Variants in CECR2 observed in about 807,000 individuals in gnomAD.
CECR2 encodes the protein chromatin remodeling regulator CECR2.
In CECR2, 30 loss-of-function variants were observed where a neutral mutation model predicts 154.5. The observed-to-expected ratio is 0.19, with a 90% CI of 0.15 to 0.26. The LOEUF (loss-of-function observed/expected upper bound fraction) is 0.26. Among genes scored for constraint, CECR2 ranks in the 10% least tolerant of loss-of-function variants. The pLI is 1.00. For missense variants in CECR2, 1,743 were observed against 1,829.3 expected (o/e 0.95, Z 0.86); for synonymous variants, 725 against 683.7 (o/e 1.06, Z -0.94).
rs578057191 is a variant in CECR2 at position 17,511,705 on chromosome 22, T to C, written c.871-108T>C. The C allele has an allele frequency of 9.7e-5, 80 of 824,906 alleles. 1 individual carries two copies. The South Asian group carries it at 1.2e-3, about 13-fold the overall frequency. 51.1% of individuals were successfully genotyped at this position (824,906 alleles called of 1,614,324 possible). On this transcript the variant is annotated intron_variant, in intron 7 of 18. Coordinates refer to ENST00000262608, the MANE Select transcript of CECR2 (RefSeq NM_001290047.2). Reference sequence around the variant, plus strand: ...TAAGGAAGCCTTTGGCCCTAACCTGTGTGCCTCATTGGCCACTTTTTTACT... The same window carrying C: ...TAAGGAAGCCTTTGGCCCTAACCTGCGTGCCTCATTGGCCACTTTTTTACT...
intron 8 of CECR2, among the ~76,000 whole-genome samples, chr22:17,523,755 C>CAAAAAAAAAAAAAAAAAAAAA (rs66963477): frequency 9.9e-6 from 1 of 101,164 alleles, no homozygotes; most frequent in Non-Finnish European, 2.0e-5. Flanking sequence ...GACTCTATCT[C>CAAAAAAAAAAAAAAAAAAAAA]AAAAAAAAAA....
At chr22:17,383,399 C>T (rs2063222427) in intron 1 of CECR2, among the ~76,000 whole-genome samples, 1 of 152,146 alleles carries the variant, frequency 6.6e-6, no homozygotes, top group Admixed American at 6.5e-5. Flanking sequence ...GAAGTTGGTC[C>T]TCTCAAACCC....
At chr22:17,519,671 C>A (rs1298460420) in intron 8 of CECR2, among the ~76,000 whole-genome samples, 2 of 152,084 alleles carry the variant, frequency 1.3e-5, no homozygotes, top group Non-Finnish European at 2.9e-5. Flanking sequence ...AAGTCATACT[C>A]ATTACAGAAA....
chr22:17,537,457 T>G (rs2056454895), intron 10 of CECR2, among the ~76,000 whole-genome samples: 1 of 152,244 alleles, frequency 6.6e-6, no homozygotes, highest in South Asian at 2.1e-4. Flanking sequence ...TCTTCTTTCT[T>G]CATCCCCTCA....
chr22:17,500,208 C>CTCAAAAA (rs2055710682), intron 4 of CECR2, among the ~76,000 whole-genome samples: 6 of 116,006 alleles, frequency 5.2e-5, no homozygotes, highest in African/African-American at 1.6e-4. Context: ...GAGACTCCAT[C>CTCAAAAA]AAAAAAAAAA....
At chr22:17,529,625 G>A (rs187176256) in intron 9 of CECR2, among the ~76,000 whole-genome samples, 1 of 151,982 alleles carries the variant, frequency 6.6e-6, no homozygotes, top group Non-Finnish European at 1.5e-5. Context: ...GCGTGAACCC[G>A]GGAGGCGGAG....
At chr22:17,520,800 G>C (rs1569138570) in intron 8 of CECR2, among the ~76,000 whole-genome samples, 1 of 152,102 alleles carries the variant, frequency 6.6e-6, no homozygotes, top group South Asian at 2.1e-4. Flanking sequence ...TGGTGTATAT[G>C]TGCCTCATTT....
intron 2 of CECR2, among the ~76,000 whole-genome samples, chr22:17,485,598 G>A (rs572962829): frequency 3.6e-4 from 55 of 152,008 alleles, no homozygotes; most frequent in African/African-American, 1.2e-3. Context: ...GTGAAACCCC[G>A]GCTCTACAAA....
In CECR2 at chr22:17,540,454, G is replaced by T; in HGVS notation, c.1538G>T (p.Arg513Leu). 6.3e-7 allele frequency: 1 copy of T among 1,584,420 alleles called. No individual in the cohort carries two copies. Among genetic ancestry groups the T allele is most frequent in the South Asian group, 1.2e-5 (1 of 85,856 alleles). Reference protein sequence around the residue: ...MSDNLERCFHRAMMKHFPGED... With the variant: ...MSDNLERCFHLAMMKHFPGED... ...GATAATTTAGAGAGGTGTTTCCATCGGGCAATGATGAAACATTTTCCTGGA... is the reference window on the plus strand; with the variant it reads ...GATAATTTAGAGAGGTGTTTCCATCTGGCAATGATGAAACATTTTCCTGGA... Residue 513 changes from arginine to leucine, a missense_variant, in exon 14 of 19, where the codon CGG becomes CTG. Around this residue, in one of 4 missense-constraint regions of CECR2, gnomAD observed 103 missense variants for 166.8 expected, o/e 0.62. Transcript: ENST00000262608.
chr22:17,506,799 G>A (rs997556796), intron 7 of CECR2, among the ~76,000 whole-genome samples: 5 of 152,076 alleles, frequency 3.3e-5, no homozygotes, highest in Non-Finnish European at 7.4e-5. Context: ...GACTATAGGC[G>A]TGCGCCACCA....
rs141176239 is a variant in CECR2, at chr22:17,438,742, C to G, written c.127-38846C>G. On this transcript the variant is annotated intron_variant, in intron 1 of 18. Transcript: ENST00000262608. ...CAGGGAAGCCAAAAGATTGAACAAC[C>G]CTGTCATAAGGTATGTCATTATTGG... Among the ~76,000 whole-genome samples the G allele has an allele frequency of 7.6e-3, 1,150 of 152,182 alleles. 6 individuals are homozygous for G. The highest frequency in any genetic ancestry group is 0.041 in the Middle Eastern group (12 of 294).
intron 1 of CECR2, among the ~76,000 whole-genome samples, chr22:17,444,762 G>C (rs920914968): frequency 3.3e-5 from 5 of 152,200 alleles, no homozygotes; most frequent in Non-Finnish European, 7.3e-5. Flanking sequence ...GCAAGCTAAG[G>C]CTTAAACAGA....
At chr22:17,517,474 T>C (rs1025441822) in intron 8 of CECR2, among the ~76,000 whole-genome samples, 12 of 152,268 alleles carry the variant, frequency 7.9e-5, no homozygotes, top group African/African-American at 2.9e-4. Flanking sequence ...GGTTAAGTTA[T>C]ATATTATGCC....
intron 8 of CECR2, among the ~76,000 whole-genome samples, chr22:17,521,142 G>A (rs1416232161): frequency 3.3e-5 from 5 of 152,178 alleles, no homozygotes; most frequent in African/African-American, 4.8e-5. Context: ...TCTAACTGGC[G>A]TGAGATGGTA....
chr22:17,552,926 A>G lies in CECR2; in HGVS notation c.*86A>G. On this transcript the variant is annotated 3_prime_UTR_variant, in exon 19 of 19. Coordinates refer to ENST00000262608, the MANE Select transcript of CECR2 (RefSeq NM_001290047.2). The stretch of plus-strand genomic sequence containing the variant: ...AACTGGGGAGTGCCCTGTCAGCTCT[A>G]TTCCCATCACCTGCTCCACCCCTTC... 4 of 1,528,136 alleles carry G rather than the reference A, an allele frequency of 2.6e-6. No homozygotes were observed. Among genetic ancestry groups the G allele is most frequent in the East Asian group, 2.5e-5 (1 of 40,770 alleles). The allele number at this position is 1,528,136 out of a possible 1,614,324, so 94.7% of individuals were successfully genotyped here.
At chr22:17,547,465 C>T (rs191505021) in intron 16 of CECR2, among the ~76,000 whole-genome samples, 419 of 152,242 alleles carry the variant, frequency 2.8e-3, no homozygotes, top group African/African-American at 9.3e-3. Flanking sequence ...CTCCTGACCT[C>T]GTGATCTGCC....
At chr22:17,412,045 A>AGGATG (rs2054075557) in intron 1 of CECR2, among the ~76,000 whole-genome samples, 1 of 152,212 alleles carries the variant, frequency 6.6e-6, no homozygotes, top group African/African-American at 2.4e-5. Context: ...CTCTTTCCTT[A>AGGATG]GGATGTAACT....
At chr22:17,409,178 G>A (rs2054031489) in intron 1 of CECR2, among the ~76,000 whole-genome samples, 1 of 150,674 alleles carries the variant, frequency 6.6e-6, no homozygotes, top group African/African-American at 2.4e-5. Flanking sequence ...CTGTCACCAG[G>A]CTGGAGTGCA....
At position 17,405,639 on chromosome 22, in the gene CECR2, CAAAAAAAAAAAAA is replaced by C. The variant is rs58874516; in HGVS notation, c.126+35745_126+35757del. On this transcript the variant is annotated intron_variant, in intron 1 of 18. Transcript: ENST00000262608. ...TGGGCAAAAGAGTGAGACTCCATCTCAAAAAAAAAAAAAAAAAAAAAAAAAAATTTTCAATTGT... is the reference window on the plus strand; with the variant it reads ...TGGGCAAAAGAGTGAGACTCCATCTCAAAAAAAAAAAAAATTTTCAATTGT... Among the ~76,000 whole-genome samples the C allele has an allele frequency of 5.3e-3, 382 of 72,334 alleles. 12 individuals are homozygous for C. The highest frequency in any genetic ancestry group is 0.016 in the African/African-American group (361 of 22,290). The allele number at this position is 72,334 out of a possible 152,430, so 47.5% of individuals were successfully genotyped here.
Sources: allele counts gnomAD v4.1 joint callset (sites outside exome capture counted in the v4.1 genomes callset), GRCh38; gene constraint gnomAD v4.1.1; regional missense constraint gnomAD v4.1.1; transcripts MANE v1.5; gene names NCBI Gene and HGNC (gene_info 2026-07-23, HGNC 2026-07-21).